ZNF679: variants seen among roughly 807,000 people sequenced by gnomAD.
ZNF679 encodes zinc finger protein 679.
ZNF679 carries 10 observed loss-of-function variants against 13.4 expected under a neutral mutation model. That is an observed-to-expected ratio of 0.75 (90% CI 0.46 to 1.27). The LOEUF is 1.27. Ranked by LOEUF, ZNF679 falls within the 50% of genes most tolerant of loss-of-function variation. ZNF679 has a pLI of 0.00. For synonymous variants in ZNF679, 179 were observed against 162.5 expected (o/e 1.10, Z -0.77); for missense variants, 525 against 477.8 (o/e 1.10, Z -0.92).
chr7:64,264,008 C>T (rs1287772941), intron 4 of ZNF679, among the ~76,000 whole-genome samples: 1 of 151,976 alleles, frequency 6.6e-6, no homozygotes, highest in Non-Finnish European at 1.5e-5. Context: ...TCTTGCTTCA[C>T]TTCTATCAAT....
intron 1 of ZNF679, among the ~76,000 whole-genome samples, chr7:64,237,511 C>G (rs1787743791): frequency 6.6e-6 from 1 of 152,182 alleles, no homozygotes; most frequent in South Asian, 2.1e-4. Context: ...AATAGAGTCT[C>G]CATTCCCCAA....
intron 1 of ZNF679, among the ~76,000 whole-genome samples, chr7:64,240,711 C>A (rs1584227277): frequency 1.3e-5 from 2 of 152,126 alleles, no homozygotes; most frequent in Admixed American, 1.3e-4. Flanking sequence ...CATTTTTGAA[C>A]CCAGCTCACA....
chr7:64,236,975 A>AAGAAAGAAAGAAAG (rs201487010), intron 1 of ZNF679, among the ~76,000 whole-genome samples: 4 of 16,262 alleles, frequency 2.5e-4, no homozygotes, highest in Admixed American at 8.0e-4. Flanking sequence ...GAAAGAAAGA[A>AAGAAAGAAAGAAAG]AAAGAAAGAA....
chr7:64,249,984 G>T (rs1434109600), intron 2 of ZNF679, among the ~76,000 whole-genome samples: 1 of 152,012 alleles, frequency 6.6e-6, no homozygotes, highest in Non-Finnish European at 1.5e-5. Flanking sequence ...TGGGATTATG[G>T]GTGCCCGCCA....
At chr7:64,241,328 T>C (rs1226070709) in intron 1 of ZNF679, among the ~76,000 whole-genome samples, 1 of 152,344 alleles carries the variant, frequency 6.6e-6, no homozygotes, top group African/African-American at 2.4e-5. Context: ...ATCCCAATTG[T>C]GGAGACAGAC....
At chr7:64,263,808 G>A (rs925449615) in intron 4 of ZNF679, among the ~76,000 whole-genome samples, 6 of 152,208 alleles carry the variant, frequency 3.9e-5, no homozygotes, top group African/African-American at 4.8e-5. Context: ...ACTCAACTGT[G>A]AACCAAAGAA....
intron 1 of ZNF679, among the ~76,000 whole-genome samples, chr7:64,246,074 G>A (rs957298026): frequency 5.3e-5 from 8 of 152,216 alleles, no homozygotes; most frequent in Admixed American, 3.9e-4. Flanking sequence ...AATCTTAGCT[G>A]AGAGGGACTT....
intron 1 of ZNF679, among the ~76,000 whole-genome samples, chr7:64,229,156 G>C (rs1158542548): frequency 3.3e-5 from 5 of 152,030 alleles, no homozygotes; most frequent in South Asian, 2.1e-4. Context: ...TTGTGAGCTG[G>C]GCCCAGAAAT....
intron 2 of ZNF679, among the ~76,000 whole-genome samples, chr7:64,252,964 C>T (rs1407560668): frequency 6.6e-6 from 1 of 152,152 alleles, no homozygotes; most frequent in East Asian, 1.9e-4. Context: ...GTGATCCAGC[C>T]ACCTGGGCCT....
At position 64,266,249 on chromosome 7, in the gene ZNF679, C is replaced by A. The variant is rs1172188893; in HGVS notation, c.616C>A (p.His206Asn). Reference sequence around the variant, plus strand: ...ACAACTACATCAACATCAGATAATTCATACTAGGGAGAATTCCTACCAATG... The same window carrying A: ...ACAACTACATCAACATCAGATAATTAATACTAGGGAGAATTCCTACCAATG... ...VSQLHQHQII[H>N]TRENSYQCEE... Residue 206 changes from histidine to asparagine, a missense_variant, in exon 5 of 5, where the codon CAT becomes AAT. Coordinates refer to ENST00000421025, the MANE Select transcript of ZNF679 (RefSeq NM_153363.3). 1 of 1,583,236 alleles carries A rather than the reference C, an allele frequency of 6.3e-7. No individual in the cohort carries two copies. The highest frequency in any genetic ancestry group is 1.8e-5 in the Admixed American group (1 of 54,230).
intron 1 of ZNF679, among the ~76,000 whole-genome samples, chr7:64,248,524 C>A (rs1787898333): frequency 6.6e-6 from 1 of 152,012 alleles, no homozygotes; most frequent in Admixed American, 6.6e-5. Context: ...TCATTATCCA[C>A]CCGCCTCACC....
chr7:64,243,211 T>A (rs958728044), intron 1 of ZNF679, among the ~76,000 whole-genome samples: 2 of 152,164 alleles, frequency 1.3e-5, no homozygotes, highest in African/African-American at 4.8e-5. Flanking sequence ...CTAGAAGAGT[T>A]AAAATCTCTT....
intron 2 of ZNF679, among the ~76,000 whole-genome samples, chr7:64,250,588 CT>C (rs1469134889): frequency 6.6e-6 from 1 of 150,476 alleles, no homozygotes; most frequent in South Asian, 2.1e-4. Flanking sequence ...TCAACTGTGT[CT>C]TTTTTTTTCT....
At chr7:64,256,538 A>G (rs2115584134) in intron 2 of ZNF679, among the ~76,000 whole-genome samples, 1 of 151,936 alleles carries the variant, frequency 6.6e-6, no homozygotes, top group Admixed American at 6.6e-5. Context: ...CTCCAGCAGC[A>G]TATAAGCATT....
At chr7:64,233,424 GA>G (rs1355561341) in intron 1 of ZNF679, among the ~76,000 whole-genome samples, 2 of 152,206 alleles carry the variant, frequency 1.3e-5, no homozygotes, top group East Asian at 3.9e-4. Context: ...CTGGGAGGTT[GA>G]GGCTGCAGTG....
At chr7:64,236,965 GAAAGAAAGAA>G (rs781306869) in intron 1 of ZNF679, among the ~76,000 whole-genome samples, 545 of 34,026 alleles carry the variant, frequency 0.016, 4 homozygotes, top group Non-Finnish European at 0.018. Context: ...AAGAAAGAAA[GAAAGAAAGAA>G]AAAGAAAGAA....
At chr7:64,248,702 T>C (rs920139853) in intron 1 of ZNF679, among the ~76,000 whole-genome samples, 10 of 152,204 alleles carry the variant, frequency 6.6e-5, no homozygotes, top group Non-Finnish European at 1.2e-4. Flanking sequence ...ATTATGTTTT[T>C]TCAGTTTATG....
intron 2 of ZNF679, among the ~76,000 whole-genome samples, chr7:64,256,161 C>T (rs187251072): frequency 6.6e-6 from 1 of 152,252 alleles, no homozygotes; most frequent in East Asian, 1.9e-4. Flanking sequence ...TAAGTGACAA[C>T]ATACAGTATT....
chr7:64,247,837 C>T (rs947488509), intron 1 of ZNF679, among the ~76,000 whole-genome samples: 3 of 151,282 alleles, frequency 2.0e-5, no homozygotes, highest in Non-Finnish European at 4.4e-5. Context: ...AACCGTGAGC[C>T]TCTGCGCCTG....
Sources: gnomAD v4.1 joint callset for allele counts (sites outside exome capture counted in the v4.1 genomes callset) on GRCh38, gnomAD v4.1.1 for gene constraint, MANE v1.5 for transcripts, NCBI Gene and HGNC (gene_info 2026-07-23, HGNC 2026-07-21) for gene names.